Variants in LAMA1 observed in about 807,000 individuals in gnomAD.
The protein encoded by LAMA1 is laminin subunit alpha 1.
LAMA1 carries 219 observed loss-of-function variants against 348.7 expected under a neutral mutation model. The ratio of observed to expected loss-of-function variants is 0.63; its 90% CI spans 0.56 to 0.70. LAMA1 has a LOEUF of 0.70. Ranked by LOEUF, LAMA1 falls within the 30% of genes least tolerant of loss-of-function variation. The probability of loss-of-function intolerance (pLI) is 0.00; values close to 1 mark genes in which losing one functional copy is unlikely to be tolerated. For missense variants in LAMA1, 3,744 were observed against 3,888.0 expected, an observed-to-expected ratio of 0.96 and a Z score of 0.99; for synonymous variants, 1,487 against 1,491.0, an observed-to-expected ratio of 1.00 and a Z score of 0.06.
At chr18:7,019,912 C>T (rs2057907912) in intron 19 of LAMA1, among the ~76,000 whole-genome samples, 1 of 151,742 alleles carries the variant, frequency 6.6e-6, no homozygotes, top group Non-Finnish European at 1.5e-5. Context: ...GAACTCCTGA[C>T]CTTAGGTGAT....
At chr18:6,972,151 A>G in intron 47 of LAMA1, 170 bp from the exon 48 acceptor site, 1 of 669,322 alleles carries the variant, frequency 1.5e-6, no homozygotes, top group Non-Finnish European at 2.6e-6. Context: ...CCTTTCAGTT[A>G]TGAAGTGGAA....
intron 25 of LAMA1, 80 bp downstream of exon 25, chr18:7,011,220 G>T: frequency 1.4e-6 from 2 of 1,475,220 alleles, no homozygotes; most frequent in Non-Finnish European, 1.9e-6. Flanking sequence ...TGACAGGCCG[G>T]CCCAGACTAT....
chr18:7,059,244 C>T (rs560149688), intron 3 of LAMA1, among the ~76,000 whole-genome samples: 55 of 152,228 alleles, frequency 3.6e-4, no homozygotes, highest in African/African-American at 1.2e-3. Context: ...TTTCTTTTGC[C>T]CTTTTTTTGC....
intron 19 of LAMA1, among the ~76,000 whole-genome samples, chr18:7,021,814 A>T (rs868160678): frequency 1.6e-4 from 17 of 108,902 alleles, no homozygotes; most frequent in South Asian, 1.4e-3. Context: ...TATATTATAT[A>T]ATATATATTA....
At chr18:6,990,578 G>T (rs554095564) in intron 36 of LAMA1, among the ~76,000 whole-genome samples, 2 of 152,136 alleles carry the variant, frequency 1.3e-5, no homozygotes, top group East Asian at 3.9e-4. Context: ...GGGGCTGCAG[G>T]ACTAACGTTC....
rs536443655 is a variant in LAMA1 at position 7,003,483 on chromosome 18, C to A, written c.4261-1098G>T. Among the ~76,000 whole-genome samples, 371 of 152,304 alleles carry A rather than the reference C, an allele frequency of 2.4e-3. 1 individual carries two copies. The highest frequency in any genetic ancestry group is 8.6e-3 in the African/African-American group (356 of 41,576). On this transcript the variant is annotated intron_variant, in intron 29 of 62. Coordinates refer to ENST00000389658, the MANE Select transcript of LAMA1 (RefSeq NM_005559.4). Reference sequence around the variant, plus strand: ...CTGTGTTAGCCAGGATGGTCTCGATCTCCTGACCTTGTGATCTGCCCGCCT... The same window carrying A: ...CTGTGTTAGCCAGGATGGTCTCGATATCCTGACCTTGTGATCTGCCCGCCT...
Position 7,112,640 on chromosome 18 carries a change from C to CT in LAMA1, c.61+5019_61+5020insA, listed in dbSNP as rs2058340430. ...TATATGTATTTTATATATATATATA[C>CT]ATTTTTTTTTTTTGAGACAGAGTTT... On this transcript the variant is annotated intron_variant, in intron 1 of 62. Coordinates refer to ENST00000389658, the MANE Select transcript of LAMA1 (RefSeq NM_005559.4). 1.9e-4 allele frequency among the ~76,000 whole-genome samples: 17 copies of CT among 90,856 alleles called. 1 individual carries two copies. The South Asian group carries it at 9.6e-3, about 51-fold the overall frequency. The allele number at this position is 90,856 out of a possible 152,430, so 59.6% of individuals were successfully genotyped here.
At chr18:6,974,613 C>G (rs1057209662) in intron 46 of LAMA1, among the ~76,000 whole-genome samples, 1 of 151,896 alleles carries the variant, frequency 6.6e-6, no homozygotes, top group Non-Finnish European at 1.5e-5. Flanking sequence ...CCCACCACCA[C>G]GCCCAGCTAA....
At chr18:6,974,842 T>G (rs2057674137) in intron 46 of LAMA1, 61 bp downstream of exon 46, 6 of 1,596,502 alleles carry the variant, frequency 3.8e-6, no homozygotes, top group Non-Finnish European at 5.2e-6. Flanking sequence ...TACAAGCATG[T>G]AATTACTTAT....
At chr18:6,977,676 C>A (rs767292728) in intron 44 of LAMA1, 51 bp downstream of exon 44, 23 of 1,609,374 alleles carry the variant, frequency 1.4e-5, no homozygotes, top group East Asian at 2.2e-5. Flanking sequence ...TTCCCTGGGA[C>A]CCCACATGAC....
intron 1 of LAMA1, among the ~76,000 whole-genome samples, chr18:7,099,277 G>A (rs535741502): frequency 1.1e-3 from 171 of 150,334 alleles, no homozygotes; most frequent in Middle Eastern, 3.4e-3. Context: ...CAGCATGCTC[G>A]TTAAGAGTCA....
At chr18:6,969,713 C>T (rs112486349) in intron 48 of LAMA1, among the ~76,000 whole-genome samples, 20 of 152,260 alleles carry the variant, frequency 1.3e-4, no homozygotes, top group African/African-American at 4.8e-4. Context: ...CGTCAAAAAG[C>T]CAGTCTCGAG....
chr18:7,056,998 A>T (rs1334418045), intron 3 of LAMA1, among the ~76,000 whole-genome samples: 1 of 151,674 alleles, frequency 6.6e-6, no homozygotes, highest in Non-Finnish European at 1.5e-5. Context: ...CAGCCTCCGG[A>T]GTAGCTGGGA....
intron 44 of LAMA1, among the ~76,000 whole-genome samples, chr18:6,976,767 T>G (rs2057684535): frequency 1.3e-5 from 2 of 151,832 alleles, no homozygotes; most frequent in Non-Finnish European, 2.9e-5. Context: ...CCACCAAGCC[T>G]GGTTATTATT....
chr18:6,958,987 T>G (rs1028200708), intron 54 of LAMA1, among the ~76,000 whole-genome samples: 9 of 152,162 alleles, frequency 5.9e-5, no homozygotes, highest in Non-Finnish European at 1.0e-4. Context: ...AGTCTATATT[T>G]TGGAGGGAAA....
intron 1 of LAMA1, among the ~76,000 whole-genome samples, chr18:7,097,107 G>A (rs1393865804): frequency 6.6e-6 from 1 of 152,138 alleles, no homozygotes; most frequent in African/African-American, 2.4e-5. Context: ...GCTCACAGCT[G>A]GGCTAGCCTG....
chr18:7,071,383 A>T (rs1408486095), intron 3 of LAMA1, among the ~76,000 whole-genome samples: 1 of 152,260 alleles, frequency 6.6e-6, no homozygotes, highest in Non-Finnish European at 1.5e-5. Flanking sequence ...CTATATATGT[A>T]CCTGTTAATA....
At chr18:7,082,556 C>T (rs73938570) in intron 1 of LAMA1, among the ~76,000 whole-genome samples, 8,557 of 152,232 alleles carry the variant, frequency 0.056, 795 homozygotes, top group African/African-American at 0.2. Context: ...CAGGGGCTGA[C>T]GTTTATTCTA....
chr18:7,086,055 G>A (rs13381741), intron 1 of LAMA1, among the ~76,000 whole-genome samples: 3,223 of 152,146 alleles, frequency 0.021, 96 homozygotes, highest in African/African-American at 0.073. Flanking sequence ...ACACATATGC[G>A]TCAGAAAAAG....
Sources: allele counts gnomAD v4.1 joint callset (sites outside exome capture counted in the v4.1 genomes callset), GRCh38; gene constraint gnomAD v4.1.1; transcripts MANE v1.5; gene names NCBI Gene and HGNC (gene_info 2026-07-23, HGNC 2026-07-21).